Variants in TECRL observed in about 807,000 individuals in gnomAD.
TECRL encodes trans-2,3-enoyl-CoA reductase like.
TECRL carries 63 observed loss-of-function variants against 52.8 expected under a neutral mutation model. That is an observed-to-expected ratio of 1.19 (90% CI 0.97 to 1.47). TECRL has a LOEUF of 1.47. TECRL is among the 40% of genes most tolerant of loss of function. The pLI, the probability that TECRL is intolerant of heterozygous loss-of-function variation, is 0.00. For synonymous variants in TECRL, 164 were observed against 141.9 expected (o/e 1.16, Z -1.10); for missense variants, 482 against 429.6 (o/e 1.12, Z -1.08).
At chr4:64,331,893 G>A (rs1202927507) in intron 2 of TECRL, among the ~76,000 whole-genome samples, 4 of 151,936 alleles carry the variant, frequency 2.6e-5, no homozygotes, top group African/African-American at 4.8e-5. Flanking sequence ...GATATAACAT[G>A]TTCACAGGCA....
intron 1 of TECRL, among the ~76,000 whole-genome samples, chr4:64,389,216 A>T (rs1723382745): frequency 6.6e-6 from 1 of 151,872 alleles, no homozygotes; most frequent in Non-Finnish European, 1.5e-5. Context: ...GAAAGTTTTG[A>T]GTTTTTCACC....
chr4:64,374,909 C>T (rs550902076), intron 2 of TECRL, among the ~76,000 whole-genome samples: 1 of 151,970 alleles, frequency 6.6e-6, no homozygotes. Flanking sequence ...AGAAAGTTTC[C>T]TGTTATAATA....
At chr4:64,399,926 C>T (rs1724232746) in intron 1 of TECRL, among the ~76,000 whole-genome samples, 3 of 152,264 alleles carry the variant, frequency 2.0e-5, no homozygotes, top group South Asian at 2.1e-4. Context: ...GGAGTCTCCA[C>T]GCAGAGTCCT....
chr4:64,290,664 T>C (rs2109949498), intron 8 of TECRL, among the ~76,000 whole-genome samples: 1 of 152,282 alleles, frequency 6.6e-6, no homozygotes, highest in Non-Finnish European at 1.5e-5. Context: ...TTCTATGGAC[T>C]TTAATTTCTG....
intron 2 of TECRL, among the ~76,000 whole-genome samples, chr4:64,340,727 G>A (rs1719508723): frequency 6.6e-6 from 1 of 152,200 alleles, no homozygotes; most frequent in South Asian, 2.1e-4. Context: ...TCCTGGTGAG[G>A]CCTCATCTTC....
intron 8 of TECRL, among the ~76,000 whole-genome samples, chr4:64,296,958 A>G (rs1025744970): frequency 6.6e-6 from 1 of 151,574 alleles, no homozygotes; most frequent in Admixed American, 6.6e-5. Context: ...AACATATCTG[A>G]GGATCAAATT....
intron 3 of TECRL, among the ~76,000 whole-genome samples, chr4:64,327,152 G>C (rs1428988945): frequency 6.6e-6 from 1 of 151,960 alleles, no homozygotes; most frequent in Admixed American, 6.6e-5. Flanking sequence ...ATCCAAATGA[G>C]CTTTGGATTT....
chr4:64,389,028 A>G (rs1483283), intron 1 of TECRL, among the ~76,000 whole-genome samples: 135,804 of 151,802 alleles, frequency 0.89, 61,452 homozygotes, highest in East Asian at 1. Flanking sequence ...GTTTTTCCAG[A>G]CCAATTATTT....
chr4:64,383,305 A>T (rs766212668), intron 1 of TECRL, among the ~76,000 whole-genome samples: 5 of 152,066 alleles, frequency 3.3e-5, no homozygotes, highest in Non-Finnish European at 7.4e-5. Context: ...GGATGTCTAT[A>T]TCTTGCAAGA....
intron 9 of TECRL, among the ~76,000 whole-genome samples, chr4:64,288,491 T>A (rs995981296): frequency 1.3e-5 from 2 of 151,978 alleles, no homozygotes; most frequent in Admixed American, 6.6e-5. Flanking sequence ...TGATCGAAAA[T>A]ATATATATAT....
intron 1 of TECRL, among the ~76,000 whole-genome samples, chr4:64,389,714 T>A (rs533157573): frequency 7.2e-4 from 110 of 152,040 alleles, no homozygotes; most frequent in African/African-American, 2.6e-3. Context: ...CACCAATTAA[T>A]CCATCTGGTC....
At chr4:64,346,919 T>A (rs1193036866) in intron 2 of TECRL, among the ~76,000 whole-genome samples, 27 of 152,238 alleles carry the variant, frequency 1.8e-4, no homozygotes. Context: ...ATCGCTACTG[T>A]TTTGCTTCTC....
chr4:64,362,555 A>C (rs1187327265), intron 2 of TECRL, among the ~76,000 whole-genome samples: 3 of 152,138 alleles, frequency 2.0e-5, no homozygotes, highest in African/African-American at 4.8e-5. Context: ...CATATTCAGC[A>C]CCATTAAAAA....
At chr4:64,348,069 T>C (rs964204671) in intron 2 of TECRL, among the ~76,000 whole-genome samples, 15 of 152,100 alleles carry the variant, frequency 9.9e-5, no homozygotes, top group Admixed American at 9.8e-4. Flanking sequence ...AGTGCCCCAC[T>C]CCGGGTACCA....
At chr4:64,372,947 TA>T in intron 2 of TECRL, among the ~76,000 whole-genome samples, 1 of 151,836 alleles carries the variant, frequency 6.6e-6, no homozygotes, top group South Asian at 2.1e-4. Flanking sequence ...TATCTAGTTT[TA>T]AAATATGCTA....
chr4:64,408,118 A>G (rs1702186748), intron 1 of TECRL, among the ~76,000 whole-genome samples: 1 of 151,788 alleles, frequency 6.6e-6, no homozygotes, highest in African/African-American at 2.4e-5. Flanking sequence ...CAATTTATAA[A>G]CTGCTCATAG....
chr4:64,348,407 A>G (rs749470803), intron 2 of TECRL, among the ~76,000 whole-genome samples: 8 of 152,164 alleles, frequency 5.3e-5, no homozygotes, highest in South Asian at 2.1e-4. Context: ...GAGGACTACA[A>G]TTCAAGGCAA....
chr4:64,374,079 A>ATATATATATATATATATT (rs1343885987), intron 2 of TECRL, among the ~76,000 whole-genome samples: 532 of 96,616 alleles, frequency 5.5e-3, no homozygotes, highest in East Asian at 0.019. Context: ...ATATATATAT[A>ATATATATATATATATATT]TATTTATCTT....
At chr4:64,356,183 A>G (rs749283895) in intron 2 of TECRL, among the ~76,000 whole-genome samples, 9 of 152,214 alleles carry the variant, frequency 5.9e-5, no homozygotes, top group African/African-American at 1.4e-4. Flanking sequence ...AAAGCTGCAG[A>G]GACCTCTGCC....
Sources: gnomAD v4.1 joint callset for allele counts (sites outside exome capture counted in the v4.1 genomes callset) on GRCh38, gnomAD v4.1.1 for gene constraint, MANE v1.5 for transcripts, NCBI Gene and HGNC (gene_info 2026-07-23, HGNC 2026-07-21) for gene names.